The following IL1RAPL1 variants were observed in gnomAD, a reference collection of about 807,000 sequenced individuals.
IL1RAPL1 encodes interleukin 1 receptor accessory protein like 1.
A neutral mutation model predicts 48.4 loss-of-function variants in IL1RAPL1; 3 were observed. The observed-to-expected ratio is 0.06, with a 90% CI of 0.03 to 0.16. IL1RAPL1 has a LOEUF of 0.16. Ranked by LOEUF, IL1RAPL1 falls within the 10% of genes least tolerant of loss-of-function variation. The pLI is 1.00. For missense variants in IL1RAPL1, 349 were observed against 530.6 expected, an observed-to-expected ratio of 0.66 and a Z score of 3.36; for synonymous variants, 185 against 187.7, an observed-to-expected ratio of 0.99 and a Z score of 0.12.
rs184803079 is a variant in IL1RAPL1, at chrX:29,695,428, G to T, written c.778+26924G>T. ...GATACTTGCAGTCATAGTTCAGGCT[G>T]CTATAGCAAGGTACCATAGGCTAGG... On this transcript the variant is annotated intron_variant, in intron 6 of 10. Transcript: ENST00000378993. Among the ~76,000 whole-genome samples, 5 of 111,429 alleles carry T rather than the reference G, an allele frequency of 4.5e-5. No homozygotes were observed. The East Asian group carries it at 1.4e-3, about 32-fold the overall frequency.
intron 2 of IL1RAPL1, among the ~76,000 whole-genome samples, chrX:29,261,167 G>T (rs983939017): frequency 9.1e-6 from 1 of 109,907 alleles, no homozygotes; most frequent in Non-Finnish European, 1.9e-5. Flanking sequence ...CCAACTTGAA[G>T]TCGACTTTCC....
intron 5 of IL1RAPL1, among the ~76,000 whole-genome samples, chrX:29,589,363 G>A (rs1413242254): frequency 2.7e-5 from 3 of 111,769 alleles, no homozygotes; most frequent in Non-Finnish European, 5.6e-5. Context: ...TGCTCTAGGT[G>A]CTAGGGATAG....
intron 1 of IL1RAPL1, among the ~76,000 whole-genome samples, chrX:28,618,359 A>G (rs1233989374): frequency 8.9e-6 from 1 of 112,494 alleles, no homozygotes; most frequent in East Asian, 2.8e-4. Flanking sequence ...TTTATCTTAG[A>G]AGAATGAAAA....
rs760877195 is a variant in IL1RAPL1, at chrX:29,025,813, A to T, written c.82+236388A>T. 2.8e-3 allele frequency among the ~76,000 whole-genome samples: 317 copies of T among 111,623 alleles called. 1 individual carries two copies. The highest frequency in any genetic ancestry group is 5.0e-3 in the Non-Finnish European group (264 of 53,146). ...GTTGCATTATTGGCAGGTTATTCTA[A>T]ATTATGGAATAATAGCGATGTGTTG... On this transcript the variant is annotated intron_variant, in intron 2 of 10. Coordinates refer to ENST00000378993, the MANE Select transcript of IL1RAPL1 (RefSeq NM_014271.4).
At chrX:29,769,498 T>C (rs1196412999) in intron 6 of IL1RAPL1, among the ~76,000 whole-genome samples, 2 of 88,074 alleles carry the variant, frequency 2.3e-5, no homozygotes, top group South Asian at 6.8e-4. Context: ...GGCTGGAGTG[T>C]AGTGGTGCAA....
intron 2 of IL1RAPL1, among the ~76,000 whole-genome samples, chrX:28,976,811 G>A (rs748193098): frequency 1.1e-3 from 123 of 111,602 alleles, no homozygotes; most frequent in African/African-American, 3.9e-3. Context: ...GGAAGACAAG[G>A]ATAGAAGTCA....
intron 3 of IL1RAPL1, among the ~76,000 whole-genome samples, chrX:29,354,610 CAG>C (rs1250457351): frequency 3.6e-5 from 4 of 112,059 alleles, no homozygotes; most frequent in Non-Finnish European, 5.6e-5. Flanking sequence ...AGCATTCTGA[CAG>C]AAGATCACAC....
At chrX:29,216,375 T>G (rs1437046825) in intron 2 of IL1RAPL1, among the ~76,000 whole-genome samples, 2 of 110,178 alleles carry the variant, frequency 1.8e-5, no homozygotes, top group African/African-American at 6.6e-5. Flanking sequence ...ATTTTTGTTT[T>G]GTAGACATGG....
intron 2 of IL1RAPL1, among the ~76,000 whole-genome samples, chrX:29,203,936 G>T: frequency 9.2e-6 from 1 of 108,883 alleles, no homozygotes; most frequent in Non-Finnish European, 1.9e-5. Context: ...TCCCACATAT[G>T]AGTAAGAACA....
At chrX:29,349,313 G>A (rs1341601024) in intron 3 of IL1RAPL1, among the ~76,000 whole-genome samples, 1 of 112,112 alleles carries the variant, frequency 8.9e-6, no homozygotes, top group Non-Finnish European at 1.9e-5. Context: ...AGTCAAACAA[G>A]GTAAGTGAGA....
chrX:29,435,052 T>TAA (rs1934467040), intron 5 of IL1RAPL1, among the ~76,000 whole-genome samples: 1 of 111,357 alleles, frequency 9.0e-6, no homozygotes, highest in Non-Finnish European at 1.9e-5. Context: ...AACAGAATTA[T>TAA]ACAATAGGTG....
chrX:29,014,293 G>T (rs900477176), intron 2 of IL1RAPL1, among the ~76,000 whole-genome samples: 1 of 111,302 alleles, frequency 9.0e-6, no homozygotes, highest in African/African-American at 3.3e-5. Context: ...TAAACTAAAT[G>T]GTATCATTGT....
At chrX:29,439,778 G>C (rs1363599962) in intron 5 of IL1RAPL1, among the ~76,000 whole-genome samples, 3 of 107,424 alleles carry the variant, frequency 2.8e-5, no homozygotes, top group Non-Finnish European at 5.8e-5. Flanking sequence ...ATGAGAAAAT[G>C]CTTCAGAATA....
At chrX:29,239,162 A>G (rs1226015024) in intron 2 of IL1RAPL1, among the ~76,000 whole-genome samples, 1 of 111,883 alleles carries the variant, frequency 8.9e-6, no homozygotes, top group Non-Finnish European at 1.9e-5. Context: ...TTGATAATAA[A>G]ACATTTTTCT....
chrX:28,727,816 A>G (rs1935697594), intron 1 of IL1RAPL1, among the ~76,000 whole-genome samples: 1 of 111,071 alleles, frequency 9.0e-6, no homozygotes, highest in Non-Finnish European at 1.9e-5. Context: ...AAACTATCGC[A>G]AGAACAAAAA....
chrX:29,843,534 A>G (rs1931180898), intron 6 of IL1RAPL1, among the ~76,000 whole-genome samples: 1 of 111,419 alleles, frequency 9.0e-6, no homozygotes, highest in Non-Finnish European at 1.9e-5. Flanking sequence ...AAACAACACA[A>G]TTTTTTTATC....
intron 3 of IL1RAPL1, among the ~76,000 whole-genome samples, chrX:29,287,054 C>T (rs1932294056): frequency 9.0e-6 from 1 of 110,743 alleles, no homozygotes; most frequent in East Asian, 2.8e-4. Flanking sequence ...GTCTCAAGGG[C>T]CCCTCCTATT....
At chrX:28,688,671 C>T (rs1307955427) in intron 1 of IL1RAPL1, among the ~76,000 whole-genome samples, 5 of 111,889 alleles carry the variant, frequency 4.5e-5, no homozygotes, top group Non-Finnish European at 9.4e-5. Flanking sequence ...TGAACTTTAT[C>T]AATACTTTAA....
chrX:28,795,997 C>T (rs956176739), intron 2 of IL1RAPL1, among the ~76,000 whole-genome samples: 3 of 111,387 alleles, frequency 2.7e-5, no homozygotes, highest in Non-Finnish European at 5.6e-5. Context: ...ACAATCATGG[C>T]GGAAGGCAAG....
Sources: gnomAD v4.1 joint callset for allele counts (sites outside exome capture counted in the v4.1 genomes callset) on GRCh38, gnomAD v4.1.1 for gene constraint, MANE v1.5 for transcripts, NCBI Gene and HGNC (gene_info 2026-07-23, HGNC 2026-07-21) for gene names.